Variants in TOX observed in about 807,000 individuals in gnomAD.
TOX encodes thymocyte selection-associated high mobility group box protein TOX.
Under a neutral mutation model 53.7 loss-of-function variants are expected in TOX, and 11 were observed. The ratio of observed to expected loss-of-function variants is 0.20; its 90% CI spans 0.13 to 0.34. TOX has a LOEUF of 0.34. Among genes scored for constraint, TOX ranks in the 10% least tolerant of loss-of-function variants. The pLI is 1.00. For missense variants in TOX, 570 were observed against 664.6 expected, an observed-to-expected ratio of 0.86 and a Z score of 1.56; for synonymous variants, 225 against 245.3, an observed-to-expected ratio of 0.92 and a Z score of 0.77.
chr8:59,092,283 T>TATA (rs1563443736), intron 1 of TOX, among the ~76,000 whole-genome samples: 3 of 87,382 alleles, frequency 3.4e-5, no homozygotes, highest in Non-Finnish European at 7.1e-5. Context: ...ATATATATAT[T>TATA]ATATATACAT....
chr8:59,109,957 A>T (rs1804983273), intron 1 of TOX, among the ~76,000 whole-genome samples: 1 of 152,114 alleles, frequency 6.6e-6, no homozygotes, highest in South Asian at 2.1e-4. Flanking sequence ...GAACTAGAAA[A>T]CCTGCTTTGG....
chr8:59,040,843 T>C (rs947496735), intron 1 of TOX, among the ~76,000 whole-genome samples: 16 of 152,086 alleles, frequency 1.1e-4, no homozygotes, highest in African/African-American at 3.6e-4. Flanking sequence ...ACCCTCCCAC[T>C]CCCCTCACTG....
chr8:58,965,670 C>A (rs1031431830), intron 1 of TOX, among the ~76,000 whole-genome samples: 1 of 151,850 alleles, frequency 6.6e-6, no homozygotes, highest in Non-Finnish European at 1.5e-5. Flanking sequence ...CATTGTATTG[C>A]CTACAAAGGG....
At chr8:58,859,335 T>C (rs1563372063) in intron 3 of TOX, among the ~76,000 whole-genome samples, 2 of 152,190 alleles carry the variant, frequency 1.3e-5, no homozygotes, top group Non-Finnish European at 2.9e-5. Context: ...TAAAAATGTA[T>C]TTTTATCCTC....
chr8:58,840,576 T>G (rs1262595241), intron 4 of TOX, among the ~76,000 whole-genome samples: 1 of 152,204 alleles, frequency 6.6e-6, no homozygotes, highest in Non-Finnish European at 1.5e-5. Flanking sequence ...AGCAGATGCC[T>G]ATGGGTGGGA....
At chr8:58,822,826 C>T (rs1177700534) in intron 6 of TOX, among the ~76,000 whole-genome samples, 1 of 152,204 alleles carries the variant, frequency 6.6e-6, no homozygotes, top group Non-Finnish European at 1.5e-5. Flanking sequence ...AAGCCTAAAG[C>T]TCTGCAACAA....
chr8:59,029,619 G>C (rs952411366), intron 1 of TOX, among the ~76,000 whole-genome samples: 3 of 152,158 alleles, frequency 2.0e-5, no homozygotes, highest in African/African-American at 7.2e-5. Context: ...GACAGGTGCT[G>C]TCTCCCAAAA....
At chr8:58,971,547 CT>C (rs1007283937) in intron 1 of TOX, among the ~76,000 whole-genome samples, 3 of 152,212 alleles carry the variant, frequency 2.0e-5, no homozygotes, top group African/African-American at 7.2e-5. Flanking sequence ...GTACTTCCCC[CT>C]CATGGCAAGT....
chr8:58,873,613 T>C (rs1397120733), intron 3 of TOX, among the ~76,000 whole-genome samples: 1 of 152,142 alleles, frequency 6.6e-6, no homozygotes, highest in Non-Finnish European at 1.5e-5. Flanking sequence ...AAAGAAGTTG[T>C]CTGTATACTA....
Position 58,806,998 on chromosome 8 carries a change from A to T in TOX, c.*749T>A, listed in dbSNP as rs1327872091. The T allele has an allele frequency of 6.6e-6, 1 of 152,646 alleles. No individual in the cohort carries two copies. The highest frequency in any genetic ancestry group is 1.5e-5 in the Non-Finnish European group (1 of 68,036). 9.5% of individuals were successfully genotyped at this position (152,646 alleles called of 1,614,324 possible). On this transcript the variant is annotated 3_prime_UTR_variant, in exon 9 of 9. Coordinates refer to ENST00000361421, the MANE Select transcript of TOX (RefSeq NM_014729.3). ...AAAAGGACTTAAATGACATTTACTA[A>T]CCATTACACAAAAAGTGATACAAAA...
intron 1 of TOX, among the ~76,000 whole-genome samples, chr8:59,033,715 A>C (rs1814400276): frequency 6.6e-6 from 1 of 152,226 alleles, no homozygotes; most frequent in Non-Finnish European, 1.5e-5. Flanking sequence ...CATATTATAT[A>C]TCCAATCTCT....
chr8:59,002,461 A>T (rs1388637131), intron 1 of TOX, among the ~76,000 whole-genome samples: 1 of 150,682 alleles, frequency 6.6e-6, no homozygotes, highest in Non-Finnish European at 1.5e-5. Flanking sequence ...GCGTGGTGGC[A>T]GGCGCCTGTA....
Position 59,080,216 on chromosome 8 carries a change from C to T in TOX, c.102+38670G>A, listed in dbSNP as rs560977312. ...CAGGCTGGTCTCAAACTCCTGACCT[C>T]GTGATCCACCTGCCTTAGCCTCCTA... is the stretch of plus-strand genomic sequence containing the variant. On this transcript the variant is annotated intron_variant, in intron 1 of 8. Transcript: ENST00000361421. 4.6e-5 allele frequency among the ~76,000 whole-genome samples: 7 copies of T among 152,020 alleles called. No homozygotes were observed. The South Asian group carries it at 1.2e-3, about 27-fold the overall frequency.
rs61434586 is a variant in TOX, at chr8:58,998,493, GTATATATATATATATATA to G, written c.103-38503_103-38486del. On this transcript the variant is annotated intron_variant, in intron 1 of 8. Coordinates refer to ENST00000361421, the MANE Select transcript of TOX (RefSeq NM_014729.3). Reference sequence around the variant, plus strand: ...GATAGAGCCAGACTCCATCTCAAAAGTATATATATATATATATATATATATATATATATATATATATAT... The same window carrying G: ...GATAGAGCCAGACTCCATCTCAAAAGTATATATATATATATATATATATAT... 7.4e-4 allele frequency among the ~76,000 whole-genome samples: 47 copies of G among 63,604 alleles called. 2 individuals carry two copies. Among genetic ancestry groups the G allele is most frequent in the Middle Eastern group, 0.015 (1 of 68 alleles). The allele number at this position is 63,604 out of a possible 152,430, so 41.7% of individuals were successfully genotyped here. A position where few individuals can be genotyped will look rare whatever the true frequency, so the allele number is the denominator to read the frequency against.
intron 3 of TOX, among the ~76,000 whole-genome samples, chr8:58,902,210 A>G (rs1003568145): frequency 2.0e-5 from 3 of 152,110 alleles, no homozygotes; most frequent in Admixed American, 2.0e-4. Flanking sequence ...ATTCCTTTCA[A>G]TGCAAAAGTT....
chr8:58,809,028 T>C (rs1254618226), intron 7 of TOX, among the ~76,000 whole-genome samples: 1 of 152,248 alleles, frequency 6.6e-6, no homozygotes, highest in African/African-American at 2.4e-5. Flanking sequence ...CTAGCGAAGC[T>C]ATTAAAAATT....
chr8:58,974,976 A>C (rs1326206386), intron 1 of TOX, among the ~76,000 whole-genome samples: 2 of 152,154 alleles, frequency 1.3e-5, no homozygotes, highest in Admixed American at 6.5e-5. Context: ...GTAATTCTTC[A>C]TAGGTACACA....
At chr8:59,010,011 G>A (rs1234331022) in intron 1 of TOX, among the ~76,000 whole-genome samples, 2 of 152,174 alleles carry the variant, frequency 1.3e-5, no homozygotes, top group Non-Finnish European at 2.9e-5. Flanking sequence ...GTTTTAGTTT[G>A]GTTTGAAAGA....
chr8:59,058,466 C>A (rs1803919842), intron 1 of TOX, among the ~76,000 whole-genome samples: 1 of 152,196 alleles, frequency 6.6e-6, no homozygotes, highest in African/African-American at 2.4e-5. Flanking sequence ...GCTGAATCCA[C>A]ATGCTTGCCC....
Sources: allele counts gnomAD v4.1 joint callset (sites outside exome capture counted in the v4.1 genomes callset), GRCh38; gene constraint gnomAD v4.1.1; transcripts MANE v1.5; gene names NCBI Gene and HGNC (gene_info 2026-07-23, HGNC 2026-07-21).